Variants in NUP58 observed in about 807,000 individuals in gnomAD.
The protein encoded by NUP58 is nucleoporin 58, also known as nucleoporin p58/p45.
A neutral mutation model predicts 70.1 loss-of-function variants in NUP58; 17 were observed. The ratio of observed to expected loss-of-function variants is 0.24; its 90% CI spans 0.17 to 0.36. NUP58 has a LOEUF of 0.36. NUP58 is among the 10% of genes least tolerant of loss of function. The pLI is 1.00. For synonymous variants in NUP58, 275 were observed against 257.6 expected (o/e 1.07, Z -0.65); for missense variants, 644 against 701.5 (o/e 0.92, Z 0.93).
Position 25,313,688 on chromosome 13 carries a change from T to TG in NUP58, c.511_512insG (p.Leu171CysfsTer44), listed in dbSNP as rs761496417. The TG allele has an allele frequency of 6.5e-7, 1 of 1,532,258 alleles. No homozygotes were observed. The highest frequency in any genetic ancestry group is 2.6e-5 in the East Asian group (1 of 38,872). The allele number at this position is 1,532,258 out of a possible 1,614,324, so 94.9% of individuals were successfully genotyped here. Reference sequence around the variant, plus strand: ...TACAACTGCATCAACAGGCCTCTCTTTAGGGGGAGCCTTAGCTGGTTTGGG... The same window carrying TG: ...TACAACTGCATCAACAGGCCTCTCTTGTAGGGGGAGCCTTAGCTGGTTTGGG... On this transcript the variant is annotated frameshift_variant, in exon 5 of 16. Coordinates refer to ENST00000381736, the MANE Select transcript of NUP58 (RefSeq NM_014089.4). LOFTEE classifies it high-confidence loss of function.
At chr13:25,339,925 T>A (rs578018372) in intron 15 of NUP58, 40 bp from the exon 16 acceptor site, 11 of 1,506,748 alleles carry the variant, frequency 7.3e-6, no homozygotes, top group Non-Finnish European at 9.8e-6. Flanking sequence ...GTTTTTGGAA[T>A]TCAACTTCTG....
chr13:25,324,878 G>A, intron 9 of NUP58, 111 bp from the exon 10 acceptor site: 1 of 729,882 alleles, frequency 1.4e-6, no homozygotes, highest in Admixed American at 2.5e-5. Flanking sequence ...GAACCTCCAA[G>A]GTATTGTTTG....
rs372319292 is a variant in NUP58, at chr13:25,329,397, C to T, written c.1233+1885C>T. Among the ~76,000 whole-genome samples the T allele has an allele frequency of 7.3e-4, 111 of 152,144 alleles. 2 individuals are homozygous for T. In the South Asian group the frequency reaches 0.015, roughly 20 times the overall value. ...ATTTTTTTTAGCAGCACTGTCTCCT[C>T]TCTGGTTTGGAAAATATATCATTTT... On this transcript the variant is annotated intron_variant, in intron 12 of 15. Transcript: ENST00000381736.
At chr13:25,306,481 G>C (rs1388235723) in intron 1 of NUP58, among the ~76,000 whole-genome samples, 2 of 151,740 alleles carry the variant, frequency 1.3e-5, no homozygotes, top group Non-Finnish European at 2.9e-5. Context: ...GAAAGGTTAA[G>C]TAATGGCACA....
chr13:25,334,007 G>C (rs746883678), intron 13 of NUP58: 9 of 985,162 alleles, frequency 9.1e-6, no homozygotes, highest in Non-Finnish European at 1.1e-5. Flanking sequence ...AGAGGAGGAG[G>C]AATAGACTTA....
chr13:25,343,173 C>A (rs1029537118), downstream of NUP58, among the ~76,000 whole-genome samples: 2 of 151,938 alleles, frequency 1.3e-5, no homozygotes, highest in African/African-American at 4.8e-5. Flanking sequence ...CACCCTCTTC[C>A]CACCCCTTCC....
intron 1 of NUP58, among the ~76,000 whole-genome samples, chr13:25,304,610 G>A (rs974231518): frequency 1.0e-4 from 15 of 149,272 alleles, no homozygotes; most frequent in Non-Finnish European, 1.6e-4. Flanking sequence ...TCCACCTTAC[G>A]GGTTCAAGCA....
At chr13:25,320,825 T>G in intron 8 of NUP58, 94 bp from the exon 9 acceptor site, 3 of 881,862 alleles carry the variant, frequency 3.4e-6, no homozygotes, top group Non-Finnish European at 5.0e-6. Flanking sequence ...AGTTTTGTAT[T>G]TTAAAACACT....
intron 9 of NUP58, among the ~76,000 whole-genome samples, chr13:25,322,981 C>G (rs1052617995): frequency 5.3e-5 from 8 of 151,950 alleles, no homozygotes; most frequent in Non-Finnish European, 1.2e-4. Context: ...GAGGCAAACT[C>G]GAAAGAAAGA....
chr13:25,330,479 A>G (rs1284731992), intron 12 of NUP58, among the ~76,000 whole-genome samples: 1 of 152,238 alleles, frequency 6.6e-6, no homozygotes, highest in East Asian at 1.9e-4. Context: ...TGTTATAATC[A>G]GAACCTAATG....
rs139434368 is a variant in NUP58 at position 25,311,440 on chromosome 13, A to T, written c.287-1443A>T. Among the ~76,000 whole-genome samples the T allele has an allele frequency of 3.4e-3, 512 of 152,202 alleles. 5 individuals are homozygous for T. The highest frequency in any genetic ancestry group is 4.9e-3 in the Non-Finnish European group (332 of 68,012). On this transcript the variant is annotated intron_variant, in intron 3 of 15. Transcript: ENST00000381736. ...GCACAGGCTGGAGTGCAATGGCGTG[A>T]TCTCAGCTCACCACAACCTCTGCCT...
chr13:25,328,674 G>C (rs1214660233), intron 12 of NUP58, among the ~76,000 whole-genome samples: 2 of 152,076 alleles, frequency 1.3e-5, no homozygotes, highest in African/African-American at 4.8e-5. Flanking sequence ...TAGGATTTAT[G>C]GGCATGAGCC....
At chr13:25,336,478 A>G (rs2031787096) in intron 13 of NUP58, 1 of 364,450 alleles carries the variant, frequency 2.7e-6, no homozygotes, top group African/African-American at 2.2e-5. Flanking sequence ...GTCTCTCTTG[A>G]TCAATTGAGA....
chr13:25,313,778 A>G, intron 5 of NUP58, 27 bp downstream of exon 5: 2 of 1,481,236 alleles, frequency 1.4e-6, no homozygotes, highest in Non-Finnish European at 1.8e-6. Context: ...ATTCTCCAGA[A>G]TAGTAAATAT....
At chr13:25,334,133 A>AG in intron 13 of NUP58, 1 of 985,380 alleles carries the variant, frequency 1.0e-6, no homozygotes, top group Non-Finnish European at 1.2e-6. Context: ...AAAATCCAGC[A>AG]GGCTATTTGT....
intron 1 of NUP58, among the ~76,000 whole-genome samples, chr13:25,303,786 C>G (rs946359068): frequency 6.6e-6 from 1 of 152,228 alleles, no homozygotes; most frequent in African/African-American, 2.4e-5. Flanking sequence ...AGGGCAAGGT[C>G]TGAGTCTTAA....
chr13:25,321,076 A>G lies in NUP58; in HGVS notation c.934A>G (p.Lys312Glu). The G allele has an allele frequency of 6.3e-7, 1 of 1,587,556 alleles. No individual in the cohort carries two copies. Among genetic ancestry groups the G allele is most frequent in the African/African-American group, 1.4e-5 (1 of 73,076 alleles). ...AAACACTCTCAACATTGACAAATTGAAAATAGAAACTGCTCAGGTATACCA... is the reference window on the plus strand; with the variant it reads ...AAACACTCTCAACATTGACAAATTGGAAATAGAAACTGCTCAGGTATACCA... ...QRNTLNIDKL[K>E]IETAQELKNA... The change falls in exon 9 of 16, where the codon AAA (lysine) becomes GAA (glutamate). Residue 312 changes from lysine to glutamate, a missense_variant. Physicochemically the swap from Lys to Glu is moderately conservative, Grantham distance 56. Transcript: ENST00000381736.
At chr13:25,308,022 C>A in intron 2 of NUP58, 74 bp downstream of exon 2, 1 of 1,534,326 alleles carries the variant, frequency 6.5e-7, no homozygotes, top group Non-Finnish European at 8.9e-7. Flanking sequence ...CTGTATCTCT[C>A]TTTACAAGGA....
chr13:25,320,383 T>G, intron 7 of NUP58, 147 bp from the exon 8 acceptor site: 1 of 539,468 alleles, frequency 1.9e-6, no homozygotes. Flanking sequence ...ATGTTTTTTA[T>G]AAAGAGCTTT....
Sources: allele counts gnomAD v4.1 joint callset (sites outside exome capture counted in the v4.1 genomes callset), GRCh38; gene constraint gnomAD v4.1.1; transcripts MANE v1.5; gene names NCBI Gene and HGNC (gene_info 2026-07-23, HGNC 2026-07-21).